SYN3: variants seen among roughly 807,000 people sequenced by gnomAD.
The protein encoded by SYN3 is synapsin III.
In SYN3, 35 loss-of-function variants were observed where a neutral mutation model predicts 65.8. The ratio of observed to expected loss-of-function variants is 0.53; its 90% CI spans 0.41 to 0.70. The LOEUF (loss-of-function observed/expected upper bound fraction) is 0.70, where lower values mean the gene tolerates loss of function less well. Ranked by LOEUF, SYN3 falls within the 30% of genes least tolerant of loss-of-function variation. The pLI is 0.00. For synonymous variants in SYN3, 270 were observed against 292.9 expected, an observed-to-expected ratio of 0.92 and a Z score of 0.80; for missense variants, 680 against 749.0, an observed-to-expected ratio of 0.91 and a Z score of 1.08.
chr22:32,515,853 C>T (rs1957060274), intron 13 of SYN3, among the ~76,000 whole-genome samples: 1 of 151,872 alleles, frequency 6.6e-6, no homozygotes, highest in East Asian at 1.9e-4. Context: ...GGCTGGAGTG[C>T]AGTGGCACGA....
chr22:32,569,300 TAC>T (rs1491420973), intron 7 of SYN3, among the ~76,000 whole-genome samples: 5 of 149,250 alleles, frequency 3.4e-5, no homozygotes, highest in South Asian at 2.2e-4. Context: ...TCTATCTATC[TAC>T]ACCTATCTAT....
Position 32,511,155 on chromosome 22 carries a change from CTT to C in SYN3, c.*2535_*2536del, listed in dbSNP as rs923473918. 2.0e-5 allele frequency among the ~76,000 whole-genome samples: 3 copies of C among 152,176 alleles called. No individual in the cohort carries two copies. Among genetic ancestry groups the C allele is most frequent in the African/African-American group, 7.2e-5 (3 of 41,442 alleles). On this transcript the variant is annotated 3_prime_UTR_variant, in exon 14 of 14. Transcript: ENST00000358763. ...ATATTTTGAATTTCACCTCCCGTCT[CTT>C]TTCCCTATGCCCCACTTGGCTTTCT...
At chr22:32,767,244 T>C (rs953683636) in intron 6 of SYN3, among the ~76,000 whole-genome samples, 1 of 152,224 alleles carries the variant, frequency 6.6e-6, no homozygotes, top group African/African-American at 2.4e-5. Flanking sequence ...CTTCTGACCC[T>C]CAAGTAGCCT....
At chr22:32,620,079 A>AT (rs1227371677) in intron 6 of SYN3, among the ~76,000 whole-genome samples, 1 of 152,260 alleles carries the variant, frequency 6.6e-6, no homozygotes, top group East Asian at 1.9e-4. Flanking sequence ...TTTGTGAGCA[A>AT]TAATACATTC....
At chr22:32,975,500 GC>G (rs1226829285) in intron 3 of SYN3, among the ~76,000 whole-genome samples, 1 of 151,856 alleles carries the variant, frequency 6.6e-6, no homozygotes, top group Non-Finnish European at 1.5e-5. Context: ...TCACAATGTT[GC>G]CCAGGCTGGT....
chr22:32,970,505 C>T (rs1601813198), intron 3 of SYN3, among the ~76,000 whole-genome samples: 2 of 148,296 alleles, frequency 1.3e-5, no homozygotes, highest in East Asian at 2.0e-4. Flanking sequence ...AAAGATATCA[C>T]GCCACTGCAC....
At chr22:32,605,200 G>A (rs1370939486) in intron 6 of SYN3, among the ~76,000 whole-genome samples, 1 of 152,056 alleles carries the variant, frequency 6.6e-6, no homozygotes, top group Non-Finnish European at 1.5e-5. Context: ...CCCACAACAA[G>A]CGGGAGAAGT....
intron 3 of SYN3, among the ~76,000 whole-genome samples, chr22:32,959,015 A>G (rs2051556626): frequency 6.6e-6 from 1 of 152,104 alleles, no homozygotes; most frequent in South Asian, 2.1e-4. Flanking sequence ...CAACATGGTG[A>G]AACCCCATCT....
At chr22:32,847,928 G>C (rs1180684416) in intron 6 of SYN3, among the ~76,000 whole-genome samples, 2 of 152,196 alleles carry the variant, frequency 1.3e-5, no homozygotes, top group Non-Finnish European at 2.9e-5. Flanking sequence ...CCCTGATAGA[G>C]GCACTCTCTG....
At chr22:33,039,731 T>C (rs961435450) in intron 1 of SYN3, among the ~76,000 whole-genome samples, 3 of 152,224 alleles carry the variant, frequency 2.0e-5, no homozygotes, top group Middle Eastern at 3.4e-3. Context: ...TTAAAGATGG[T>C]AGCCCTCCTC....
intron 7 of SYN3, among the ~76,000 whole-genome samples, chr22:32,590,139 G>T (rs2059108115): frequency 6.6e-6 from 1 of 152,112 alleles, no homozygotes; most frequent in Non-Finnish European, 1.5e-5. Context: ...TCATCTCCAT[G>T]ACTATCCCTT....
intron 6 of SYN3, among the ~76,000 whole-genome samples, chr22:32,775,866 A>C (rs955032281): frequency 6.6e-6 from 1 of 152,206 alleles, no homozygotes; most frequent in African/African-American, 2.4e-5. Flanking sequence ...TTCATGCCTA[A>C]TTCCTGAAAC....
chr22:32,967,469 T>C (rs1296582938), intron 3 of SYN3, among the ~76,000 whole-genome samples: 1 of 152,194 alleles, frequency 6.6e-6, no homozygotes, highest in African/African-American at 2.4e-5. Flanking sequence ...AAGGAAGTCA[T>C]TTCAATGCCT....
At chr22:32,569,796 C>G (rs985728158) in intron 7 of SYN3, among the ~76,000 whole-genome samples, 1 of 152,034 alleles carries the variant, frequency 6.6e-6, no homozygotes, top group Non-Finnish European at 1.5e-5. Flanking sequence ...GTAATAGTAC[C>G]TGCTTCACAG....
intron 10 of SYN3, among the ~76,000 whole-genome samples, chr22:32,531,475 G>A (rs1368050202): frequency 6.6e-6 from 1 of 152,202 alleles, no homozygotes; most frequent in Admixed American, 6.5e-5. Flanking sequence ...GGTAGAGACA[G>A]CCAAAGGAAG....
intron 4 of SYN3, among the ~76,000 whole-genome samples, chr22:32,888,309 C>T (rs904330133): frequency 1.3e-5 from 2 of 152,150 alleles, no homozygotes; most frequent in African/African-American, 2.4e-5. Flanking sequence ...AGGGCCCACA[C>T]AGTATGCTTT....
At chr22:32,861,658 A>C (rs2146309242) in intron 6 of SYN3, 1 of 152,750 alleles carries the variant, frequency 6.5e-6, no homozygotes, top group African/African-American at 2.4e-5. Flanking sequence ...CGGAGTCGAT[A>C]AATTAGCAGA....
intron 6 of SYN3, among the ~76,000 whole-genome samples, chr22:32,705,146 G>A (rs1242877535): frequency 6.6e-6 from 1 of 152,106 alleles, no homozygotes; most frequent in Non-Finnish European, 1.5e-5. Context: ...TGTCCAGAAT[G>A]GTATTGCCTC....
intron 12 of SYN3, 107 bp downstream of exon 12, chr22:32,527,811 C>G: frequency 1.1e-6 from 1 of 907,890 alleles, no homozygotes. Flanking sequence ...ATAAAGTATT[C>G]AGGTGCATTT....
Sources: allele counts gnomAD v4.1 joint callset (sites outside exome capture counted in the v4.1 genomes callset), GRCh38; gene constraint gnomAD v4.1.1; transcripts MANE v1.5; gene names NCBI Gene and HGNC (gene_info 2026-07-23, HGNC 2026-07-21).